The following ANK2 variants were observed in gnomAD, a reference collection of about 807,000 sequenced individuals.
ANK2 encodes ankyrin-2.
Under a neutral mutation model 360.5 loss-of-function variants are expected in ANK2, and 83 were observed. The observed-to-expected ratio is 0.23, with a 90% CI of 0.19 to 0.28. ANK2 has a LOEUF of 0.28. Ranked by LOEUF, ANK2 falls within the 10% of genes least tolerant of loss-of-function variation. ANK2 has a pLI of 1.00. For missense variants in ANK2, 4,201 were observed against 4,795.7 expected (o/e 0.88, Z 3.66); for synonymous variants, 1,740 against 1,759.5 (o/e 0.99, Z 0.28).
At chr4:113,017,731 G>A (rs1447346273) in intron 2 of ANK2, among the ~76,000 whole-genome samples, 1 of 152,162 alleles carries the variant, frequency 6.6e-6, no homozygotes, top group African/African-American at 2.4e-5. Context: ...GCAAGTGAAG[G>A]TAAAACTTCA....
chr4:113,072,765 T>TTTTTTTTTTTTTTTTTTTTTTTG (rs142762570), intron 1 of ANK2, among the ~76,000 whole-genome samples: 1 of 121,194 alleles, frequency 8.3e-6, no homozygotes, highest in Non-Finnish European at 1.8e-5. Context: ...TTTTTTTTTT[T>TTTTTTTTTTTTTTTTTTTTTTTG]GCTGTCTTGT....
intron 2 of ANK2, among the ~76,000 whole-genome samples, chr4:112,928,271 T>C (rs1211859987): frequency 3.9e-5 from 6 of 152,068 alleles, no homozygotes; most frequent in Admixed American, 3.9e-4. Context: ...CTTTCATTTT[T>C]CTAAGCTGAT....
chr4:113,298,125 T>C (rs1194412754), intron 22 of ANK2, among the ~76,000 whole-genome samples: 3 of 152,206 alleles, frequency 2.0e-5, no homozygotes, highest in Non-Finnish European at 4.4e-5. Flanking sequence ...GACATGTTTT[T>C]TCAACCTGTT....
chr4:113,209,235 A>G (rs1057236493), intron 4 of ANK2, among the ~76,000 whole-genome samples: 1 of 151,972 alleles, frequency 6.6e-6, no homozygotes, highest in African/African-American at 2.4e-5. Context: ...GTCTTGCTAT[A>G]TAGATGAAAC....
intron 2 of ANK2, among the ~76,000 whole-genome samples, chr4:112,951,370 A>C (rs1270738783): frequency 6.6e-6 from 1 of 152,208 alleles, no homozygotes; most frequent in Non-Finnish European, 1.5e-5. Context: ...AGGAGAAAAA[A>C]ATTATACTGA....
At chr4:112,865,094 G>C (rs1185030231) in intron 1 of ANK2, among the ~76,000 whole-genome samples, 1 of 139,666 alleles carries the variant, frequency 7.2e-6, no homozygotes, top group Non-Finnish European at 1.5e-5. Flanking sequence ...GAGATTCATT[G>C]GTCTTAGAAA....
intron 45 of ANK2, 127 bp downstream of exon 45, chr4:113,373,576 G>A: frequency 9.9e-7 from 1 of 1,014,290 alleles, no homozygotes; most frequent in Non-Finnish European, 1.6e-6. Flanking sequence ...TTTGCTCTTA[G>A]TTGCACATTC....
In ANK2 at chr4:113,317,829, C is replaced by T; in HGVS notation, c.2796+20C>T. ...CACCAGGTATGTGACATTTTGCCTT[C>T]ATGTCTTTGCTTTCTGGAGAGCTTT... On this transcript the variant is annotated intron_variant, in intron 25 of 45. Coordinates refer to ENST00000357077, the MANE Select transcript of ANK2 (RefSeq NM_001148.6). The T allele has an allele frequency of 6.3e-7, 1 of 1,585,664 alleles. No individual in the cohort carries two copies. The highest frequency in any genetic ancestry group is 8.7e-7 in the Non-Finnish European group (1 of 1,154,614).
intron 1 of ANK2, among the ~76,000 whole-genome samples, chr4:112,844,436 G>A (rs191204940): frequency 1.0e-3 from 159 of 152,300 alleles, no homozygotes; most frequent in African/African-American, 3.2e-3. Flanking sequence ...GGCCATAACT[G>A]TACCCCTCAT....
At chr4:113,278,347 T>G in intron 16 of ANK2, 113 bp from the exon 17 acceptor site, 1 of 858,392 alleles carries the variant, frequency 1.2e-6, no homozygotes, top group Non-Finnish European at 1.9e-6. Flanking sequence ...TTCTATTGAC[T>G]ATATTAATTC....
chr4:112,967,311 T>A (rs1278738005), intron 2 of ANK2, among the ~76,000 whole-genome samples: 2 of 152,216 alleles, frequency 1.3e-5, no homozygotes, highest in African/African-American at 4.8e-5. Context: ...AATCTAAATC[T>A]TTCCTTTTAC....
At chr4:113,086,557 T>C (rs1386341169) in intron 1 of ANK2, among the ~76,000 whole-genome samples, 1 of 152,218 alleles carries the variant, frequency 6.6e-6, no homozygotes, top group Non-Finnish European at 1.5e-5. Context: ...AACTATATTC[T>C]AGTGGAAGTG....
chr4:112,853,093 G>A (rs577884839), intron 1 of ANK2, among the ~76,000 whole-genome samples: 20 of 151,612 alleles, frequency 1.3e-4, no homozygotes, highest in African/African-American at 3.9e-4. Context: ...TTTTTGAGAC[G>A]AAGTCTCGCT....
chr4:113,030,857 A>G (rs2060250947), intron 2 of ANK2, among the ~76,000 whole-genome samples: 1 of 152,094 alleles, frequency 6.6e-6, no homozygotes, highest in South Asian at 2.1e-4. Context: ...ACTGCCTTGT[A>G]TAGACACTTT....
chr4:112,861,868 A>AGAGAGAGAGAG (rs201880535), intron 1 of ANK2, among the ~76,000 whole-genome samples: 9 of 151,560 alleles, frequency 5.9e-5, no homozygotes, highest in Admixed American at 1.3e-4. Flanking sequence ...AGAGAGAGAG[A>AGAGAGAGAGAG]AACTCTCACA....
chr4:113,152,154 T>G (rs1050316225), intron 1 of ANK2: 3 of 151,982 alleles, frequency 2.0e-5, no homozygotes, highest in Non-Finnish European at 4.4e-5. Flanking sequence ...TTATTTTTTT[T>G]ATAATGAGGT....
intron 1 of ANK2, among the ~76,000 whole-genome samples, chr4:112,845,358 C>T (rs1372431527): frequency 1.3e-5 from 2 of 149,014 alleles, no homozygotes; most frequent in African/African-American, 2.5e-5. Flanking sequence ...TATATAACTT[C>T]AGGATGCAGC....
chr4:113,168,318 A>G (rs775478126), intron 1 of ANK2, among the ~76,000 whole-genome samples: 2 of 152,256 alleles, frequency 1.3e-5, no homozygotes, highest in African/African-American at 2.4e-5. Flanking sequence ...ATTTTGTGTG[A>G]ATAGTTATCT....
At position 113,236,589 on chromosome 4, in the gene ANK2, C is replaced by T. The variant is rs149459281; in HGVS notation, c.484-398C>T. Reference sequence around the variant, plus strand: ...AATCATATATTTTATTTCCCTGTCTCAGTCACCATATCTTTGATTCCCAGT... The same window carrying T: ...AATCATATATTTTATTTCCCTGTCTTAGTCACCATATCTTTGATTCCCAGT... On this transcript the variant is annotated intron_variant, in intron 5 of 45. Coordinates refer to ENST00000357077, the MANE Select transcript of ANK2 (RefSeq NM_001148.6). 5.9e-4 allele frequency among the ~76,000 whole-genome samples: 90 copies of T among 152,322 alleles called. 1 individual carries two copies. The highest frequency in any genetic ancestry group is 6.8e-3 in the Middle Eastern group (2 of 294).
Sources: allele counts gnomAD v4.1 joint callset (sites outside exome capture counted in the v4.1 genomes callset), GRCh38; gene constraint gnomAD v4.1.1; transcripts MANE v1.5; gene names NCBI Gene and HGNC (gene_info 2026-07-23, HGNC 2026-07-21).